Variants in DIPK1A observed in about 807,000 individuals in gnomAD.
DIPK1A encodes family with sequence similarity 69 member A.
In DIPK1A, 27 loss-of-function variants were observed where a neutral mutation model predicts 40.8. The ratio of observed to expected loss-of-function variants is 0.66; its 90% confidence interval spans 0.49 to 0.91. The LOEUF (loss-of-function observed/expected upper bound fraction) is 0.91. Among genes scored for constraint, DIPK1A ranks in the 40% least tolerant of loss-of-function variants. The pLI, the probability that DIPK1A is intolerant of heterozygous loss-of-function variation, is 0.00. For synonymous variants in DIPK1A, 166 were observed against 171.3 expected, an observed-to-expected ratio of 0.97 and a Z score of 0.24; for missense variants, 412 against 505.7, an observed-to-expected ratio of 0.81 and a Z score of 1.78.
intron 1 of DIPK1A, among the ~76,000 whole-genome samples, chr1:92,887,693 C>T (rs149306277): frequency 9.2e-5 from 14 of 152,266 alleles, no homozygotes; most frequent in South Asian, 8.3e-4. Flanking sequence ...TATTATGCAG[C>T]GTTGCTGGGG....
chr1:92,843,863 GGCCTTT>G lies in DIPK1A; in HGVS notation c.801_806del (p.Arg267_Ala269delinsSer). On this transcript the variant is annotated inframe_deletion, in exon 5 of 5. Transcript: ENST00000370310. ...ATTCTAGAAGTCCTATGGCTATTTT[GGCCTTT>G]CTTGGCCATGATGGTGTGAACAGCT... is the stretch of plus-strand genomic sequence containing the variant. The G allele has an allele frequency of 6.4e-7, 1 of 1,551,630 alleles. No individual in the cohort carries two copies. The highest frequency in any genetic ancestry group is 8.7e-7 in the Non-Finnish European group (1 of 1,146,986).
chr1:92,856,329 TA>T (rs1557455185), intron 2 of DIPK1A, among the ~76,000 whole-genome samples: 10 of 151,694 alleles, frequency 6.6e-5, no homozygotes, highest in African/African-American at 2.2e-4. Context: ...TTAATACATA[TA>T]AAAATTGAAT....
chr1:92,861,622 C>G (rs1463744934), intron 2 of DIPK1A, among the ~76,000 whole-genome samples: 3 of 152,014 alleles, frequency 2.0e-5, no homozygotes, highest in Non-Finnish European at 4.4e-5. Flanking sequence ...CTGCTGCGCT[C>G]AGCCAATACT....
At chr1:92,864,991 G>A (rs1204770068) in intron 2 of DIPK1A, among the ~76,000 whole-genome samples, 1 of 139,508 alleles carries the variant, frequency 7.2e-6, no homozygotes, top group Non-Finnish European at 1.5e-5. Flanking sequence ...GCAATGAGCT[G>A]AGATTGCGCC....
At chr1:92,834,171 T>C (rs964727126) in intron 4 of DIPK1A, among the ~76,000 whole-genome samples, 3 of 152,224 alleles carry the variant, frequency 2.0e-5, no homozygotes, top group African/African-American at 7.2e-5. Context: ...AGTAGAAGAA[T>C]AGGGTTTGTC....
At chr1:92,917,111 C>T (rs982323547) in intron 1 of DIPK1A, among the ~76,000 whole-genome samples, 1 of 152,106 alleles carries the variant, frequency 6.6e-6, no homozygotes, top group South Asian at 2.1e-4. Flanking sequence ...TTATAATAGT[C>T]ATTTTCAGTG....
intron 1 of DIPK1A, among the ~76,000 whole-genome samples, chr1:92,946,960 A>AAAAC (rs1557496654): frequency 6.8e-6 from 1 of 147,616 alleles, no homozygotes; most frequent in Non-Finnish European, 1.5e-5. Flanking sequence ...AAAAAAAAAA[A>AAAAC]ACCACACAGA....
At chr1:92,927,678 T>C (rs932396587) in intron 1 of DIPK1A, among the ~76,000 whole-genome samples, 1 of 152,216 alleles carries the variant, frequency 6.6e-6, no homozygotes, top group African/African-American at 2.4e-5. Flanking sequence ...ATAGATCTGC[T>C]TATTCTAGAC....
At chr1:92,912,935 T>A (rs1326346374) in intron 1 of DIPK1A, among the ~76,000 whole-genome samples, 1 of 149,628 alleles carries the variant, frequency 6.7e-6, no homozygotes, top group Non-Finnish European at 1.5e-5. Context: ...ACCCTGTCTC[T>A]ATGAAATAAA....
intron 2 of DIPK1A, among the ~76,000 whole-genome samples, chr1:92,875,280 T>C (rs1175837438): frequency 1.3e-5 from 2 of 152,206 alleles, no homozygotes. Context: ...CCCTGTTATA[T>C]GCATACACCA....
In DIPK1A at chr1:92,896,823, C is replaced by A. The variant is rs1275230798; in HGVS notation, c.55-20393G>T. Among the ~76,000 whole-genome samples the A allele has an allele frequency of 4.6e-5, 7 of 151,642 alleles. No individual in the cohort carries two copies. In the South Asian group the frequency reaches 8.4e-4, roughly 18 times the overall value. On this transcript the variant is annotated intron_variant, in intron 1 of 4. Transcript: ENST00000370310. ...AAATTTACAAGAAAAAAACAAACAA[C>A]CCCATCAAAAAGTGGGTGAAGGATA...
chr1:92,889,851 T>C (rs939151199), intron 1 of DIPK1A, among the ~76,000 whole-genome samples: 4 of 152,140 alleles, frequency 2.6e-5, no homozygotes, highest in Non-Finnish European at 5.9e-5. Flanking sequence ...GGTTTTGCCA[T>C]GTTGCCCAGG....
chr1:92,887,569 C>A (rs150541512), intron 1 of DIPK1A, among the ~76,000 whole-genome samples: 1 of 152,152 alleles, frequency 6.6e-6, no homozygotes, highest in Non-Finnish European at 1.5e-5. Context: ...CCCCTTGAAC[C>A]AAAATGATGT....
intron 2 of DIPK1A, among the ~76,000 whole-genome samples, chr1:92,867,337 G>A (rs1398728283): frequency 6.6e-6 from 1 of 151,316 alleles, no homozygotes; most frequent in Non-Finnish European, 1.5e-5. Flanking sequence ...TACAGGCATG[G>A]GCCACTGCGC....
At chr1:92,853,429 C>T (rs1687883490) in intron 2 of DIPK1A, among the ~76,000 whole-genome samples, 1 of 152,266 alleles carries the variant, frequency 6.6e-6, no homozygotes, top group East Asian at 1.9e-4. Context: ...GATCAAGGCA[C>T]CTTTAAGGGG....
At chr1:92,851,689 G>T (rs1331057603) in intron 2 of DIPK1A, among the ~76,000 whole-genome samples, 1 of 151,808 alleles carries the variant, frequency 6.6e-6, no homozygotes, top group Non-Finnish European at 1.5e-5. Flanking sequence ...AAAAAATATG[G>T]TACCAATGAA....
rs1191693194 is a variant in DIPK1A, at chr1:92,927,220, T to C, written c.54+34156A>G. On this transcript the variant is annotated intron_variant, in intron 1 of 4. Coordinates refer to ENST00000370310, the MANE Select transcript of DIPK1A (RefSeq NM_001006605.5). The stretch of plus-strand genomic sequence containing the variant: ...TGTTTTGAAACAAGGTCTTGCTTTG[T>C]CACCTATGATGGAGTACAGTGGCGA... 3.3e-5 allele frequency among the ~76,000 whole-genome samples: 5 copies of C among 152,218 alleles called. No homozygotes were observed. In the East Asian group the frequency reaches 9.6e-4, roughly 29 times the overall value.
At chr1:92,837,398 C>A, downstream of DIPK1A, 1 of 1,453,750 alleles carries the variant, frequency 6.9e-7, no homozygotes, top group Non-Finnish European at 9.7e-7. Context: ...AAAGTAAATT[C>A]TTACTAGTAA....
chr1:92,840,102 C>T (rs1024231449), downstream of DIPK1A, among the ~76,000 whole-genome samples: 2 of 151,678 alleles, frequency 1.3e-5, no homozygotes, highest in Admixed American at 6.6e-5. Context: ...CCACTGCAGC[C>T]TTGACCTCCT....
Sources: allele counts gnomAD v4.1 joint callset (sites outside exome capture counted in the v4.1 genomes callset), GRCh38; gene constraint gnomAD v4.1.1; transcripts MANE v1.5; gene names NCBI Gene and HGNC (gene_info 2026-07-23, HGNC 2026-07-21).